The following CCSER1 variants were observed in gnomAD, a reference collection of about 807,000 sequenced individuals.
CCSER1 encodes the protein serine-rich coiled-coil domain-containing protein 1.
Under a neutral mutation model 82.0 loss-of-function variants are expected in CCSER1, and 41 were observed. The ratio of observed to expected loss-of-function variants is 0.50; its 90% CI spans 0.39 to 0.65. The LOEUF (loss-of-function observed/expected upper bound fraction) is 0.65. CCSER1 is among the 30% of genes least tolerant of loss of function. The probability of loss-of-function intolerance (pLI) is 0.00; values close to 1 mark genes in which losing one functional copy is unlikely to be tolerated. For synonymous variants in CCSER1, 414 were observed against 383.9 expected, an observed-to-expected ratio of 1.08 and a Z score of -0.92; for missense variants, 1,119 against 1,064.2, an observed-to-expected ratio of 1.05 and a Z score of -0.72.
chr4:90,948,438 T>G (rs1344391420), intron 9 of CCSER1, among the ~76,000 whole-genome samples: 4 of 151,864 alleles, frequency 2.6e-5, no homozygotes, highest in African/African-American at 9.7e-5. Flanking sequence ...ATTTTCTTGT[T>G]CTCAATTTTT....
chr4:90,197,412 A>G lies in CCSER1; in HGVS notation c.-42+69581A>G, dbSNP rs1287225859. ...AAAGACTGGACCTACCATATGATTC[A>G]GCAATCTCATTACTGGGTATATACC... On this transcript the variant is annotated intron_variant, in intron 1 of 10. Transcript: ENST00000509176. Among the ~76,000 whole-genome samples the G allele has an allele frequency of 2.0e-5, 3 of 152,154 alleles. 1 individual carries two copies. Among genetic ancestry groups the G allele is most frequent in the African/African-American group, 7.2e-5 (3 of 41,438 alleles).
At chr4:90,853,575 A>G (rs1248061567) in intron 8 of CCSER1, among the ~76,000 whole-genome samples, 1 of 152,040 alleles carries the variant, frequency 6.6e-6, no homozygotes, top group African/African-American at 2.4e-5. Flanking sequence ...TTTAACCTTT[A>G]TATTTGAAAA....
At chr4:90,827,736 A>C (rs1283970152) in intron 8 of CCSER1, among the ~76,000 whole-genome samples, 2 of 152,116 alleles carry the variant, frequency 1.3e-5, no homozygotes, top group Non-Finnish European at 2.9e-5. Flanking sequence ...AGGGGAGGGA[A>C]GAATTTTCTT....
intron 10 of CCSER1, among the ~76,000 whole-genome samples, chr4:91,486,507 A>C (rs1228675376): frequency 6.6e-6 from 1 of 152,140 alleles, no homozygotes; most frequent in Non-Finnish European, 1.5e-5. Flanking sequence ...AAAATACACA[A>C]AAGTAAAATA....
At chr4:91,121,935 A>G (rs922624475) in intron 10 of CCSER1, among the ~76,000 whole-genome samples, 2 of 151,702 alleles carry the variant, frequency 1.3e-5, no homozygotes, top group African/African-American at 2.4e-5. Context: ...TAGAAATTAT[A>G]TATGTGTCAC....
intron 10 of CCSER1, among the ~76,000 whole-genome samples, chr4:91,482,561 A>T (rs1176118826): frequency 2.0e-5 from 3 of 152,092 alleles, no homozygotes; most frequent in Non-Finnish European, 4.4e-5. Flanking sequence ...CTAGAACTAG[A>T]AATACCATTT....
At chr4:90,215,404 C>T (rs904212465) in intron 1 of CCSER1, among the ~76,000 whole-genome samples, 3 of 152,094 alleles carry the variant, frequency 2.0e-5, no homozygotes, top group African/African-American at 7.2e-5. Flanking sequence ...AAAGGATGTC[C>T]TTGACCTACT....
chr4:91,247,782 C>T (rs1445257809), intron 10 of CCSER1, among the ~76,000 whole-genome samples: 1 of 152,128 alleles, frequency 6.6e-6, no homozygotes, highest in African/African-American at 2.4e-5. Context: ...ACAGGAGAAT[C>T]ACTCAAACCT....
At chr4:91,135,637 T>C (rs2107008) in intron 10 of CCSER1, among the ~76,000 whole-genome samples, 109,915 of 151,894 alleles carry the variant, frequency 0.72, 40,103 homozygotes, top group Non-Finnish European at 0.78. Context: ...AAATATTAGA[T>C]GCACAGACAC....
At chr4:90,538,773 G>T (rs1775740369) in intron 5 of CCSER1, among the ~76,000 whole-genome samples, 1 of 151,942 alleles carries the variant, frequency 6.6e-6, no homozygotes, top group Non-Finnish European at 1.5e-5. Context: ...GTCTCCACGA[G>T]AGTTAATTTT....
Position 90,293,558 on chromosome 4 carries a change from G to T in CCSER1, c.-41-14686G>T, listed in dbSNP as rs570978895. ...CCTCTGCTGCTATGTAAATGAAACT[G>T]CAGGTTATTTATTATAAACTTATTT... On this transcript the variant is annotated intron_variant, in intron 1 of 10. Transcript: ENST00000509176. Among the ~76,000 whole-genome samples the T allele has an allele frequency of 9.3e-5, 14 of 150,284 alleles. No individual in the cohort carries two copies. In the South Asian group the frequency reaches 2.9e-3, roughly 31 times the overall value.
In CCSER1 at chr4:90,176,877, G is replaced by A. The variant is rs556421252; in HGVS notation, c.-42+49046G>A. Among the ~76,000 whole-genome samples, 4 of 152,100 alleles carry A rather than the reference G, an allele frequency of 2.6e-5. No homozygotes were observed. The South Asian group carries it at 8.3e-4, about 32-fold the overall frequency. On this transcript the variant is annotated intron_variant, in intron 1 of 10. Transcript: ENST00000509176. ...TTTAGACATCTGTGTTATTCTCTGG[G>A]TACAGATTAGTTAGGCTGTTGCAAG...
In CCSER1 at chr4:91,399,116, A is replaced by C. The variant is rs528900712; in HGVS notation, c.2218-199456A>C. 5.3e-5 allele frequency among the ~76,000 whole-genome samples: 8 copies of C among 152,054 alleles called. No homozygotes were observed. In the South Asian group the frequency reaches 1.7e-3, roughly 32 times the overall value. On this transcript the variant is annotated intron_variant, in intron 10 of 10. Coordinates refer to ENST00000509176, the MANE Select transcript of CCSER1 (RefSeq NM_001145065.2). Reference sequence around the variant, plus strand: ...AACACCAAAAAGTAATACTCATGGAATTAGACCATGAACAATAAGAGCATG... The same window carrying C: ...AACACCAAAAAGTAATACTCATGGACTTAGACCATGAACAATAAGAGCATG...
intron 3 of CCSER1, among the ~76,000 whole-genome samples, chr4:90,313,934 A>G (rs2153481760): frequency 6.6e-6 from 1 of 152,332 alleles, no homozygotes; most frequent in East Asian, 1.9e-4. Flanking sequence ...ATATATGTGA[A>G]AAATGCTCAA....
intron 10 of CCSER1, among the ~76,000 whole-genome samples, chr4:91,100,978 A>C (rs1471293129): frequency 2.0e-5 from 3 of 152,180 alleles, no homozygotes; most frequent in Non-Finnish European, 4.4e-5. Flanking sequence ...TCTGGATCAG[A>C]TATATGCCTA....
In CCSER1 at chr4:91,534,499, G is replaced by A. The variant is rs141642569; in HGVS notation, c.2218-64073G>A. On this transcript the variant is annotated intron_variant, in intron 10 of 10. Transcript: ENST00000509176. ...AATTCATGAAAAATCTTTGTGCTAT[G>A]TATTTAGTTATCATAATTGGAAATA... is the stretch of plus-strand genomic sequence containing the variant. Among the ~76,000 whole-genome samples, 41 of 152,040 alleles carry A rather than the reference G, an allele frequency of 2.7e-4. No homozygotes were observed. In the East Asian group the frequency reaches 7.3e-3, roughly 27 times the overall value.
At chr4:91,404,070 C>T (rs953750177) in intron 10 of CCSER1, among the ~76,000 whole-genome samples, 3 of 152,128 alleles carry the variant, frequency 2.0e-5, no homozygotes, top group Non-Finnish European at 4.4e-5. Context: ...GCCTCAATTT[C>T]AGAGCCTGTT....
chr4:90,212,428 T>G (rs1740202658), intron 1 of CCSER1, among the ~76,000 whole-genome samples: 1 of 152,220 alleles, frequency 6.6e-6, no homozygotes. Context: ...TTTCTCTGTT[T>G]TTATTCACAT....
intron 10 of CCSER1, among the ~76,000 whole-genome samples, chr4:91,593,000 A>AAAAT (rs1443837226): frequency 2.8e-4 from 43 of 152,304 alleles, no homozygotes; most frequent in African/African-American, 1.0e-3. Flanking sequence ...AACTTCAGAA[A>AAAAT]AAATAAAACA....
Sources: gnomAD v4.1 joint callset for allele counts (sites outside exome capture counted in the v4.1 genomes callset) on GRCh38, gnomAD v4.1.1 for gene constraint, MANE v1.5 for transcripts, NCBI Gene and HGNC (gene_info 2026-07-23, HGNC 2026-07-21) for gene names.